The following METAP1D variants were observed in gnomAD, a reference collection of about 807,000 sequenced individuals.
METAP1D encodes methionine aminopeptidase 1D, mitochondrial.
METAP1D carries 31 observed loss-of-function variants against 40.5 expected under a neutral mutation model. That is an observed-to-expected ratio of 0.77 (90% CI 0.58 to 1.03). METAP1D has a LOEUF of 1.03. Among genes scored for constraint, METAP1D ranks in the 50% least tolerant of loss-of-function variants. The pLI, the probability that METAP1D is intolerant of heterozygous loss-of-function variation, is 0.00. For synonymous variants in METAP1D, 151 were observed against 146.4 expected (o/e 1.03, Z -0.22); for missense variants, 411 against 420.7 (o/e 0.98, Z 0.20).
intron 8 of METAP1D, among the ~76,000 whole-genome samples, chr2:172,079,922 G>T (rs788159): frequency 0.43 from 65,249 of 151,960 alleles, 14,083 homozygotes; most frequent in African/African-American, 0.45. Flanking sequence ...TTTGAATGGC[G>T]CAGTGTTTCC....
At chr2:172,016,560 G>A (rs1026374943) in intron 1 of METAP1D, among the ~76,000 whole-genome samples, 2 of 151,832 alleles carry the variant, frequency 1.3e-5, no homozygotes, top group African/African-American at 2.4e-5. Context: ...GGTGGAGGTT[G>A]CAGTGAGCCA....
intron 1 of METAP1D, among the ~76,000 whole-genome samples, chr2:172,002,244 A>T (rs1215188364): frequency 6.6e-6 from 1 of 151,980 alleles, no homozygotes; most frequent in Non-Finnish European, 1.5e-5. Context: ...ACATAGGTGT[A>T]TGTATGTATA....
At position 172,038,511 on chromosome 2, in the gene METAP1D, T is replaced by C. The variant is rs192940739; in HGVS notation, c.41-22987T>C. Among the ~76,000 whole-genome samples the C allele has an allele frequency of 1.5e-3, 222 of 152,372 alleles. 4 individuals are homozygous for C. The Middle Eastern group carries it at 0.034, about 23-fold the overall frequency. On this transcript the variant is annotated intron_variant, in intron 1 of 9. Transcript: ENST00000315796. ...GATAGAGAAACATTTTCTATGGATTTACTGTGACCGAGACCAAATTTTAAT... is the reference window on the plus strand; with the variant it reads ...GATAGAGAAACATTTTCTATGGATTCACTGTGACCGAGACCAAATTTTAAT...
intron 1 of METAP1D, among the ~76,000 whole-genome samples, chr2:172,034,997 T>G (rs901718788): frequency 6.6e-6 from 1 of 151,952 alleles, no homozygotes; most frequent in African/African-American, 2.4e-5. Context: ...TTTTTTTTTT[T>G]TTTGTTGTTT....
At chr2:172,052,862 T>G (rs968300054) in intron 1 of METAP1D, among the ~76,000 whole-genome samples, 4 of 152,234 alleles carry the variant, frequency 2.6e-5, no homozygotes, top group African/African-American at 9.6e-5. Context: ...GCTCTTGTCC[T>G]TTAGCTTTGC....
At chr2:172,009,230 C>A (rs1016836003) in intron 1 of METAP1D, among the ~76,000 whole-genome samples, 2 of 151,462 alleles carry the variant, frequency 1.3e-5, no homozygotes, top group Non-Finnish European at 2.9e-5. Context: ...TTTTTAGTAG[C>A]GACGGGGTTT....
chr2:172,000,710 G>T (rs1574080096), intron 1 of METAP1D, among the ~76,000 whole-genome samples: 1 of 152,158 alleles, frequency 6.6e-6, no homozygotes, highest in African/African-American at 2.4e-5. Context: ...AGTTTTGTGA[G>T]GTAAATATTA....
chr2:172,076,042 T>G (rs896481779), intron 6 of METAP1D, among the ~76,000 whole-genome samples: 2 of 152,172 alleles, frequency 1.3e-5, no homozygotes, highest in African/African-American at 4.8e-5. Flanking sequence ...ACGAGAGGTA[T>G]GATGGGGGGA....
intron 1 of METAP1D, among the ~76,000 whole-genome samples, chr2:172,021,472 A>C (rs1323306357): frequency 6.6e-6 from 1 of 152,266 alleles, no homozygotes; most frequent in Non-Finnish European, 1.5e-5. Context: ...TTTGCACAGC[A>C]GTTGAAACTG....
chr2:172,045,863 A>G (rs1340019876), intron 1 of METAP1D, among the ~76,000 whole-genome samples: 2 of 114,822 alleles, frequency 1.7e-5, no homozygotes, highest in South Asian at 2.8e-4. Context: ...ATATATATAT[A>G]TGACGGAATT....
chr2:172,043,013 G>A (rs1192219770), intron 1 of METAP1D, among the ~76,000 whole-genome samples: 1 of 122,026 alleles, frequency 8.2e-6, no homozygotes, highest in Non-Finnish European at 1.9e-5. Flanking sequence ...ATATGTGTAT[G>A]TGTACACATA....
intron 1 of METAP1D, among the ~76,000 whole-genome samples, chr2:172,046,197 A>G (rs1689762495): frequency 6.6e-6 from 1 of 151,810 alleles, no homozygotes; most frequent in Non-Finnish European, 1.5e-5. Context: ...CTCCTTAACC[A>G]CATCCTAGAT....
chr2:172,028,520 G>A (rs1689169576), intron 1 of METAP1D, among the ~76,000 whole-genome samples: 1 of 149,526 alleles, frequency 6.7e-6, no homozygotes, highest in African/African-American at 2.5e-5. Flanking sequence ...TCCTACACAT[G>A]AGCAGACTTC....
At chr2:172,079,806 AG>A (rs1372430600) in intron 8 of METAP1D, among the ~76,000 whole-genome samples, 1 of 152,254 alleles carries the variant, frequency 6.6e-6, no homozygotes, top group African/African-American at 2.4e-5. Context: ...GGTATTTATA[AG>A]AGGGACTGGT....
chr2:172,007,864 A>G (rs1412871149), intron 1 of METAP1D, among the ~76,000 whole-genome samples: 2 of 151,854 alleles, frequency 1.3e-5, no homozygotes, highest in Admixed American at 6.6e-5. Context: ...TAATTTTTGT[A>G]TTTTTAGTAG....
intron 1 of METAP1D, among the ~76,000 whole-genome samples, chr2:172,045,809 GTGTGTGTGTGTATATATA>G (rs1478071236): frequency 4.6e-4 from 32 of 69,954 alleles, no homozygotes; most frequent in Non-Finnish European, 7.4e-4. Context: ...GTGTGTGTGT[GTGTGTGTGTGTATATATA>G]TATATATATA....
intron 1 of METAP1D, among the ~76,000 whole-genome samples, chr2:172,020,316 A>C (rs1332307727): frequency 6.6e-6 from 1 of 152,212 alleles, no homozygotes; most frequent in African/African-American, 2.4e-5. Flanking sequence ...TTTAAAATCT[A>C]CTTCAACTCT....
chr2:172,005,051 T>C (rs564381828), intron 1 of METAP1D, among the ~76,000 whole-genome samples: 1 of 152,072 alleles, frequency 6.6e-6, no homozygotes, highest in South Asian at 2.1e-4. Flanking sequence ...ACCTCCTGAG[T>C]GGCTAGGCGC....
At chr2:172,022,604 A>G (rs1689032185) in intron 1 of METAP1D, among the ~76,000 whole-genome samples, 1 of 152,156 alleles carries the variant, frequency 6.6e-6, no homozygotes, top group Non-Finnish European at 1.5e-5. Context: ...GGAATTGTTA[A>G]TTTTTGCAAT....
Sources: allele counts gnomAD v4.1 joint callset (sites outside exome capture counted in the v4.1 genomes callset), GRCh38; gene constraint gnomAD v4.1.1; transcripts MANE v1.5; gene names NCBI Gene and HGNC (gene_info 2026-07-23, HGNC 2026-07-21).